Variants in POM121C observed in about 807,000 individuals in gnomAD.
The protein encoded by POM121C is POM121 transmembrane nucleoporin C.
Under a neutral mutation model 66.4 loss-of-function variants are expected in POM121C, and 20 were observed. The ratio of observed to expected loss-of-function variants is 0.30; its 90% CI spans 0.21 to 0.44. The LOEUF (loss-of-function observed/expected upper bound fraction) is 0.44, where lower values mean the gene tolerates loss of function less well. Ranked by LOEUF, POM121C falls within the 20% of genes least tolerant of loss-of-function variation. The pLI, the probability that POM121C is intolerant of heterozygous loss-of-function variation, is 1.00. For synonymous variants in POM121C, 286 were observed against 528.0 expected, an observed-to-expected ratio of 0.54 and a Z score of 6.28; for missense variants, 580 against 1,225.7, an observed-to-expected ratio of 0.47 and a Z score of 7.87.
intron 3 of POM121C, among the ~76,000 whole-genome samples, chr7:75,447,718 C>G (rs1563147719): frequency 1.3e-5 from 2 of 151,500 alleles, no homozygotes; most frequent in Non-Finnish European, 2.9e-5. Flanking sequence ...GAGACCCTGT[C>G]TCTAAAAAAA....
At chr7:75,429,762 C>G (rs587725086) in intron 7 of POM121C, among the ~76,000 whole-genome samples, 20 of 152,202 alleles carry the variant, frequency 1.3e-4, no homozygotes, top group African/African-American at 4.8e-4. Context: ...CCTATAATTC[C>G]AGCACTCAGA....
At chr7:75,442,611 G>A (rs1790697414) in intron 3 of POM121C, 3 of 1,490,638 alleles carry the variant, frequency 2.0e-6, no homozygotes, top group African/African-American at 2.9e-5. Context: ...GACAGGCCGA[G>A]AAGCGCCGCC....
chr7:75,448,654 A>G (rs1285166129), intron 3 of POM121C, among the ~76,000 whole-genome samples: 1 of 140,566 alleles, frequency 7.1e-6, no homozygotes, highest in African/African-American at 2.7e-5. Flanking sequence ...ATACAAAATT[A>G]GCCAAGTGTG....
intron 1 of POM121C, among the ~76,000 whole-genome samples, chr7:75,480,721 A>C (rs1364604899): frequency 1.3e-5 from 2 of 152,174 alleles, no homozygotes; most frequent in African/African-American, 4.8e-5. Flanking sequence ...AAATGTTATA[A>C]TGGCACTGTG....
At chr7:75,424,445 C>G (rs1789854509) in intron 11 of POM121C, 81 bp downstream of exon 11, 2 of 1,551,586 alleles carry the variant, frequency 1.3e-6, no homozygotes, top group East Asian at 4.5e-5. Flanking sequence ...CAGAGAAACC[C>G]ATTTTTCCAA....
In POM121C at chr7:75,422,124, C is replaced by A; in HGVS notation, c.2128G>T (p.Ala710Ser). The change falls in exon 13 of 15, where the codon GCT (alanine) becomes TCT (serine). Residue 710 changes from alanine (A) to serine (S), a missense_variant. Transcript: ENST00000615331. ...GANPQPAFGAAEGQPPGAAKP... is the reference protein window; with the variant it reads ...GANPQPAFGASEGQPPGAAKP... ...GCGGCCCCCGGTGGCTGCCCCTCAG[C>A]GGCCCCAAATGCGGGCTGGGGGTTG... 2 of 1,600,684 alleles carry A rather than the reference C, an allele frequency of 1.2e-6. No individual in the cohort carries two copies. The highest frequency in any genetic ancestry group is 1.7e-6 in the Non-Finnish European group (2 of 1,171,540).
chr7:75,431,767 A>G (rs1554472393), intron 7 of POM121C, among the ~76,000 whole-genome samples: 3 of 152,016 alleles, frequency 2.0e-5, no homozygotes, highest in Non-Finnish European at 2.9e-5. Context: ...CCTGGCCAAC[A>G]TGGTAAAACT....
chr7:75,478,876 A>AACCCAAGATCCAAGAAGTTCAATGAT (rs1563160628), intron 1 of POM121C, among the ~76,000 whole-genome samples: 3 of 148,454 alleles, frequency 2.0e-5, no homozygotes, highest in Admixed American at 6.7e-5. Context: ...TGACACCATA[A>AACCCAAGATCCAAGAAGTTCAATGAT]ACCCAAGATC....
At chr7:75,483,078 C>T (rs1348860177) in intron 1 of POM121C, among the ~76,000 whole-genome samples, 3 of 152,006 alleles carry the variant, frequency 2.0e-5, no homozygotes, top group African/African-American at 7.2e-5. Context: ...ATTCATTCCC[C>T]CCATGATCTA....
chr7:75,477,552 A>C (rs1454088275), intron 1 of POM121C, among the ~76,000 whole-genome samples: 1 of 152,160 alleles, frequency 6.6e-6, no homozygotes, highest in African/African-American at 2.4e-5. Flanking sequence ...TTTTCCTGGA[A>C]CTAGATAAGC....
chr7:75,463,755 C>T lies in POM121C; in HGVS notation c.-152+10949G>A, dbSNP rs372613476. 1.2e-4 allele frequency among the ~76,000 whole-genome samples: 18 copies of T among 152,134 alleles called. No individual in the cohort carries two copies. The East Asian group carries it at 2.5e-3, about 21-fold the overall frequency. ...TCATCCAGACTGGAGGGCAGTGGTG[C>T]GATCTCGGCTCACTGCAACCTCCAC... On this transcript the variant is annotated intron_variant, in intron 3 of 14. Transcript: ENST00000615331.
intron 12 of POM121C, among the ~76,000 whole-genome samples, 153 bp downstream of exon 12, chr7:75,423,896 G>A (rs747224465): frequency 6.7e-4 from 102 of 152,206 alleles, no homozygotes; most frequent in Non-Finnish European, 1.2e-3. Context: ...GGGCTCCGGC[G>A]CTGTTAAACG....
intron 3 of POM121C, among the ~76,000 whole-genome samples, chr7:75,453,281 A>T (rs1791088498): frequency 6.6e-6 from 1 of 151,586 alleles, no homozygotes; most frequent in South Asian, 2.1e-4. Flanking sequence ...AAGTTAAAAA[A>T]AAAAAAAAAA....
Position 75,421,977 on chromosome 7 carries a change from C to T in POM121C, c.2275G>A (p.Val759Met), listed in dbSNP as rs201428395. 33 of 1,613,744 alleles carry T rather than the reference C, an allele frequency of 2.0e-5. No individual in the cohort carries two copies. The highest frequency in any genetic ancestry group is 5.0e-5 in the Admixed American group (3 of 60,012). ...ASTIKIVPAH[V>M]PTPIQPTFGG... ...AAGGTAGGCTGGATGGGCGTAGGCACGTGCGCAGGCACGATCTTGATCGTG... is the reference window on the plus strand; with the variant it reads ...AAGGTAGGCTGGATGGGCGTAGGCATGTGCGCAGGCACGATCTTGATCGTG... Residue 759 changes from valine to methionine, a missense_variant, in exon 13 of 15, where the codon GTG (valine) becomes ATG (methionine). Transcript: ENST00000615331.
At chr7:75,460,617 T>C in intron 3 of POM121C, among the ~76,000 whole-genome samples, 1 of 152,120 alleles carries the variant, frequency 6.6e-6, no homozygotes, top group East Asian at 1.9e-4. Flanking sequence ...TCAGCTCTTT[T>C]GGAATTCTGA....
chr7:75,441,224 C>G lies in POM121C; in HGVS notation c.66-109G>C, dbSNP rs1790635376. 1.1e-5 allele frequency: 17 copies of G among 1,512,494 alleles called. No individual in the cohort carries two copies. The Admixed American group carries it at 3.4e-4, about 30-fold the overall frequency. The allele number at this position is 1,512,494 out of a possible 1,614,324, so 93.7% of individuals were successfully genotyped here. ...GGCCAAAGTATAATTTATACACTCA[C>G]AACAGTTCCCCTTAGCAAGTAAAGC... On this transcript the variant is annotated intron_variant, in intron 4 of 14. Transcript: ENST00000615331.
Position 75,428,201 on chromosome 7 carries a change from A to G in POM121C, c.481-1748T>C, listed in dbSNP as rs587623651. Among the ~76,000 whole-genome samples the G allele has an allele frequency of 2.6e-5, 4 of 151,434 alleles. No homozygotes were observed. In the South Asian group the frequency reaches 6.3e-4, roughly 24 times the overall value. Reference sequence around the variant, plus strand: ...TGTCACCAGGCTGGAGTGCAGTGGCACGATCTCACCTCACTGCAACCTCCG... The same window carrying G: ...TGTCACCAGGCTGGAGTGCAGTGGCGCGATCTCACCTCACTGCAACCTCCG... On this transcript the variant is annotated intron_variant, in intron 7 of 14. Transcript: ENST00000615331.
intron 6 of POM121C, among the ~76,000 whole-genome samples, chr7:75,438,487 C>A (rs782650642): frequency 6.6e-6 from 1 of 152,322 alleles, no homozygotes; most frequent in Admixed American, 6.5e-5. Flanking sequence ...TCCACCACCA[C>A]CCCTCTGGGC....
chr7:75,452,795 G>A (rs1477607752), intron 3 of POM121C, among the ~76,000 whole-genome samples: 2 of 152,184 alleles, frequency 1.3e-5, no homozygotes, highest in African/African-American at 4.8e-5. Flanking sequence ...GTTTGTGTTT[G>A]GAACCCCTAG....
Sources: gnomAD v4.1 joint callset for allele counts (sites outside exome capture counted in the v4.1 genomes callset) on GRCh38, gnomAD v4.1.1 for gene constraint, MANE v1.5 for transcripts, NCBI Gene and HGNC (gene_info 2026-07-23, HGNC 2026-07-21) for gene names.